Variants in MYO5C observed in about 807,000 individuals in gnomAD.
MYO5C encodes the protein myosin VC, also known as unconventional myosin-Vc.
A neutral mutation model predicts 235.7 loss-of-function variants in MYO5C; 194 were observed. The ratio of observed to expected loss-of-function variants is 0.82; its 90% CI spans 0.73 to 0.93. The LOEUF is 0.93. Among genes scored for constraint, MYO5C ranks in the 40% least tolerant of loss-of-function variants. MYO5C has a pLI of 0.00. For synonymous variants in MYO5C, 707 were observed against 754.8 expected (o/e 0.94, Z 1.04); for missense variants, 2,038 against 2,127.2 (o/e 0.96, Z 0.82).
chr15:52,253,416 A>G lies in MYO5C; in HGVS notation c.1437T>C (p.Asp479=), dbSNP rs540614341. ...KLEQEEYMKE[D]IPWTLIDFYD... is the part of the protein sequence containing the mutation. The stretch of plus-strand genomic sequence containing the variant: ...AAAAATCTATCAGCGTCCAAGGTAT[A>G]TCTTCCTTCATGTATTCTTCTTGTT... Residue 479 remains aspartate, a synonymous_variant, in exon 12 of 41, where the codon GAT becomes GAC. Transcript: ENST00000261839. 1 of 1,613,930 alleles carries G rather than the reference A, an allele frequency of 6.2e-7. No homozygotes were observed. Among genetic ancestry groups the G allele is most frequent in the African/African-American group, 1.3e-5 (1 of 75,058 alleles).
chr15:52,223,842 T>A lies in MYO5C; in HGVS notation c.3447-118A>T. ...CGTGCACGAAGTACATCAAGTTTACTTATGCACTCACGGTTACAGGCTACA... is the reference window on the plus strand; with the variant it reads ...CGTGCACGAAGTACATCAAGTTTACATATGCACTCACGGTTACAGGCTACA... On this transcript the variant is annotated intron_variant, in intron 28 of 40. Transcript: ENST00000261839. The A allele has an allele frequency of 7.3e-6, 6 of 826,324 alleles. No homozygotes were observed. In the South Asian group the frequency reaches 1.3e-4, roughly 17 times the overall value. 51.2% of individuals were successfully genotyped at this position (826,324 alleles called of 1,614,324 possible). A position where few individuals can be genotyped will look rare whatever the true frequency, so the allele number is the denominator to read the frequency against.
intron 39 of MYO5C, among the ~76,000 whole-genome samples, chr15:52,196,093 A>G (rs1260247686): frequency 1.3e-5 from 2 of 149,462 alleles, no homozygotes; most frequent in South Asian, 2.1e-4. Context: ...TACAGCTGTG[A>G]GCCACCTCGC....
chr15:52,237,741 G>A, intron 21 of MYO5C, 95 bp from the exon 22 acceptor site: 1 of 1,262,822 alleles, frequency 7.9e-7, no homozygotes, highest in Non-Finnish European at 1.1e-6. Context: ...ATCCAAATTT[G>A]AGAGGTTGCT....
intron 5 of MYO5C, 104 bp from the exon 6 acceptor site, chr15:52,272,827 G>C: frequency 1.7e-6 from 2 of 1,149,750 alleles, no homozygotes; most frequent in Non-Finnish European, 2.5e-6. Context: ...CCTAGGGGAA[G>C]GTCTGATTGG....
chr15:52,285,460 C>T (rs1453796971), intron 1 of MYO5C, among the ~76,000 whole-genome samples: 2 of 144,298 alleles, frequency 1.4e-5, no homozygotes, highest in Non-Finnish European at 3.0e-5. Context: ...CTCCCTCTCC[C>T]GTCTCCCTCC....
At chr15:52,221,335 A>G (rs2035680565) in intron 29 of MYO5C, 80 bp from the exon 30 acceptor site, 3 of 998,178 alleles carry the variant, frequency 3.0e-6, no homozygotes, top group African/African-American at 1.6e-5. Flanking sequence ...AAACTGAACT[A>G]TCTTGGTGTT....
intron 33 of MYO5C, 123 bp downstream of exon 33, chr15:52,214,480 A>T: frequency 1.4e-6 from 1 of 733,380 alleles, no homozygotes; most frequent in South Asian, 2.1e-5. Flanking sequence ...ACTAGGTCAC[A>T]AACCTCACCA....
chr15:52,241,821 C>G (rs187631962), intron 20 of MYO5C, among the ~76,000 whole-genome samples: 16 of 152,256 alleles, frequency 1.1e-4, no homozygotes, highest in African/African-American at 3.4e-4. Flanking sequence ...TCATAGCTCA[C>G]TGCAGCCTCG....
Position 52,221,170 on chromosome 15 carries a change from T to C in MYO5C, c.3713A>G (p.Lys1238Arg). ...LEIRLNEQAEKMKGKLEELSN... is the reference protein window; with the variant it reads ...LEIRLNEQAERMKGKLEELSN... The stretch of plus-strand genomic sequence containing the variant: ...ATGAGGGTTTCAGTTACCTTTCATT[T>C]TCTCAGCTTGTTCATTCAGGCGGAT... Residue 1238 changes from lysine (K) to arginine (R), a missense_variant, in exon 30 of 41, where the codon AAA becomes AGA. Coordinates refer to ENST00000261839, the MANE Select transcript of MYO5C (RefSeq NM_018728.4). 6.2e-7 allele frequency: 1 copy of C among 1,610,556 alleles called. No individual in the cohort carries two copies. Among genetic ancestry groups the C allele is most frequent in the Non-Finnish European group, 8.5e-7 (1 of 1,178,774 alleles).
At chr15:52,277,578 G>T (rs1770666894) in intron 4 of MYO5C, among the ~76,000 whole-genome samples, 1 of 152,188 alleles carries the variant, frequency 6.6e-6, no homozygotes, top group Non-Finnish European at 1.5e-5. Context: ...CTATGTGAGT[G>T]AGGTCTGCCT....
chr15:52,233,586 T>C (rs1257686991), intron 23 of MYO5C, among the ~76,000 whole-genome samples: 1 of 152,238 alleles, frequency 6.6e-6, no homozygotes, highest in East Asian at 1.9e-4. Context: ...CACTCATCTG[T>C]GATAACCAAG....
At chr15:52,216,997 G>A (rs188553606) in intron 32 of MYO5C, among the ~76,000 whole-genome samples, 115 of 152,322 alleles carry the variant, frequency 7.5e-4, no homozygotes, top group Non-Finnish European at 1.4e-3. Context: ...TCGGAGGAGT[G>A]TGCCCTGCTG....
intron 1 of MYO5C, among the ~76,000 whole-genome samples, chr15:52,283,455 TC>T (rs947871529): frequency 6.6e-6 from 1 of 152,104 alleles, no homozygotes; most frequent in Admixed American, 6.5e-5. Context: ...AATGCAGAAG[TC>T]CAGACACAGC....
At chr15:52,276,260 T>C (rs911441621) in intron 4 of MYO5C, among the ~76,000 whole-genome samples, 3 of 152,154 alleles carry the variant, frequency 2.0e-5, no homozygotes, top group Non-Finnish European at 2.9e-5. Flanking sequence ...CTAAGACTGA[T>C]TGCAGCAAGA....
At position 52,242,071 on chromosome 15, in the gene MYO5C, G is replaced by T. The variant is rs774686743; in HGVS notation, c.2533C>A (p.Leu845Met). 1 of 1,613,012 alleles carries T rather than the reference G, an allele frequency of 6.2e-7. No homozygotes were observed. Among genetic ancestry groups the T allele is most frequent in the Non-Finnish European group, 8.5e-7 (1 of 1,179,472 alleles). ...ITMQAYSRGF[L>M]ARRRYRKMLE... ...ACCTTTCGATACCTCCTCCTTGCCA[G>T]GAATCCTCGGCTGTAGGCCTGCATT... Residue 845 changes from leucine (L) to methionine (M), a missense_variant, in exon 20 of 41, where the codon CTG becomes ATG. Transcript: ENST00000261839.
In MYO5C at chr15:52,193,898, C is replaced by T; in HGVS notation, c.*4G>A. ...AAGAAAAAGTGCATTGACTTTTTCT[C>T]CTGCTATAACCTATTCAGAAAGCCT... On this transcript the variant is annotated 3_prime_UTR_variant, in exon 41 of 41. Transcript: ENST00000261839. The T allele has an allele frequency of 3.7e-6, 6 of 1,601,988 alleles. No individual in the cohort carries two copies. The highest frequency in any genetic ancestry group is 1.8e-5 in the Admixed American group (1 of 56,692).
At chr15:52,274,365 A>G (rs996783165) in intron 5 of MYO5C, among the ~76,000 whole-genome samples, 3 of 152,032 alleles carry the variant, frequency 2.0e-5, no homozygotes, top group African/African-American at 4.8e-5. Flanking sequence ...TGCAACCTCC[A>G]CCTCCTGACT....
intron 14 of MYO5C, 90 bp downstream of exon 14, chr15:52,248,604 ACACTCT>A (rs1395255128): frequency 1.1e-5 from 9 of 827,892 alleles, no homozygotes; most frequent in Middle Eastern, 2.2e-4. Context: ...ACACACACAC[ACACTCT>A]CTCTCTCTCT....
At chr15:52,248,605 C>T in intron 14 of MYO5C, 95 bp downstream of exon 14, 4 of 849,382 alleles carry the variant, frequency 4.7e-6, no homozygotes, top group Non-Finnish European at 7.7e-6. Flanking sequence ...CACACACACA[C>T]ACTCTCTCTC....
Sources: gnomAD v4.1 joint callset for allele counts (sites outside exome capture counted in the v4.1 genomes callset) on GRCh38, gnomAD v4.1.1 for gene constraint, MANE v1.5 for transcripts, NCBI Gene and HGNC (gene_info 2026-07-23, HGNC 2026-07-21) for gene names.